The following NCOA7 variants were observed in gnomAD, a reference collection of about 807,000 sequenced individuals.
The protein encoded by NCOA7 is nuclear receptor coactivator 7.
Under a neutral mutation model 104.3 loss-of-function variants are expected in NCOA7, and 45 were observed. That is an observed-to-expected ratio of 0.43 (90% CI 0.34 to 0.55). The LOEUF (loss-of-function observed/expected upper bound fraction) is 0.55, where lower values mean the gene tolerates loss of function less well. Ranked by LOEUF, NCOA7 falls within the 20% of genes least tolerant of loss-of-function variation. NCOA7 has a pLI of 0.02. For missense variants in NCOA7, 1,041 were observed against 1,119.7 expected, an observed-to-expected ratio of 0.93 and a Z score of 1.00; for synonymous variants, 398 against 402.3, an observed-to-expected ratio of 0.99 and a Z score of 0.13.
intron 10 of NCOA7, among the ~76,000 whole-genome samples, chr6:125,911,783 A>G (rs1019165961): frequency 6.6e-6 from 1 of 152,140 alleles, no homozygotes; most frequent in Non-Finnish European, 1.5e-5. Context: ...CAAGTGGCTC[A>G]TGGCTCGTAC....
At chr6:125,901,296 T>G (rs1785477476) in intron 10 of NCOA7, among the ~76,000 whole-genome samples, 1 of 152,242 alleles carries the variant, frequency 6.6e-6, no homozygotes, top group African/African-American at 2.4e-5. Flanking sequence ...GGGATTATAT[T>G]TTGCTGTGTG....
At chr6:125,819,084 C>T (rs781420140) in intron 2 of NCOA7, among the ~76,000 whole-genome samples, 5 of 152,144 alleles carry the variant, frequency 3.3e-5, no homozygotes, top group Non-Finnish European at 5.9e-5. Flanking sequence ...AGCCTGCTTC[C>T]CCCTTCCACC....
upstream of NCOA7, among the ~76,000 whole-genome samples, chr6:125,786,632 A>T (rs1251409982): frequency 1.4e-5 from 2 of 145,480 alleles, no homozygotes; most frequent in Non-Finnish European, 3.0e-5. Context: ...GCTGGAGTGC[A>T]TAAGCGCGAT....
At position 125,889,757 on chromosome 6, in the gene NCOA7, G is replaced by T. The variant is rs1183526634; in HGVS notation, c.1703G>T (p.Gly568Val). ...CTTAGTAGTTCTCTTTCCCAGGCGG[G>T]TGATCCCATAACTGAGGGCAATAAA... ...ITLSSSLSQA[G>V]DPITEGNKEP... The change falls in exon 9 of 16, where the codon GGT becomes GTT. Residue 568 changes from glycine to valine, a missense_variant. By Grantham distance (109) the Gly-to-Val change is moderately radical. This residue lies in a region of NCOA7 where 914 missense variants were observed against 942.7 expected (regional missense o/e 0.97). Coordinates refer to ENST00000392477, the MANE Select transcript of NCOA7 (RefSeq NM_181782.5). 11 of 1,612,624 alleles carry T rather than the reference G, an allele frequency of 6.8e-6. No individual in the cohort carries two copies. The Admixed American group carries it at 1.3e-4, about 20-fold the overall frequency.
In NCOA7 at chr6:125,885,210, C is replaced by A; in HGVS notation, c.751C>A (p.Pro251Thr). 1 of 1,613,934 alleles carries A rather than the reference C, an allele frequency of 6.2e-7. No individual in the cohort carries two copies. The highest frequency in any genetic ancestry group is 8.5e-7 in the Non-Finnish European group (1 of 1,179,920). Residue 251 changes from proline (P) to threonine (T), a missense_variant, in exon 8 of 16, where the codon CCT (proline) becomes ACT (threonine). Pro to Thr is a conservative substitution (Grantham distance 38, BLOSUM62 -1). Coordinates refer to ENST00000392477, the MANE Select transcript of NCOA7 (RefSeq NM_181782.5). ...IVTPNNIMFD[P>T]HKSDPLVIEN... ...GACTCCTAACAACATCATGTTTGAC[C>A]CTCATAAATCTGATCCTCTGGTTAT... is the stretch of plus-strand genomic sequence containing the variant.
chr6:125,799,844 G>A (rs10457470), intron 1 of NCOA7, among the ~76,000 whole-genome samples: 90,606 of 152,084 alleles, frequency 0.6, 31,003 homozygotes, highest in East Asian at 0.87. Context: ...CAGGAAAATC[G>A]GATGTTGTTG....
chr6:125,830,521 T>C (rs1258269228), intron 2 of NCOA7, among the ~76,000 whole-genome samples: 1 of 152,106 alleles, frequency 6.6e-6, no homozygotes, highest in Non-Finnish European at 1.5e-5. Context: ...AGACCTTGTG[T>C]CTACAAAAAA....
chr6:125,862,200 G>A lies in NCOA7; in HGVS notation c.271+6960G>A, dbSNP rs545944355. ...GAATCAGATAAGAAGATGCTTTCAT[G>A]AGCTAAAACTCATGCCTAAGTGGAG... On this transcript the variant is annotated intron_variant, in intron 3 of 15. Coordinates refer to ENST00000392477, the MANE Select transcript of NCOA7 (RefSeq NM_181782.5). 1.3e-4 allele frequency among the ~76,000 whole-genome samples: 18 copies of A among 137,372 alleles called. 1 individual carries two copies. In the East Asian group the frequency reaches 3.6e-3, roughly 28 times the overall value. 90.1% of individuals were successfully genotyped at this position (137,372 alleles called of 152,430 possible).
At position 125,833,711 on chromosome 6, in the gene NCOA7, A is replaced by G. The variant is rs529757970; in HGVS notation, c.50+18307A>G. Among the ~76,000 whole-genome samples the G allele has an allele frequency of 1.5e-4, 23 of 152,246 alleles. No individual in the cohort carries two copies. In the South Asian group the frequency reaches 4.4e-3, roughly 29 times the overall value. On this transcript the variant is annotated intron_variant, in intron 2 of 15. Transcript: ENST00000392477. ...GCTTCTCTCTCCATTCACCTGTGCCATTGCCATCAGCACGTTCCACAGGCC... is the reference window on the plus strand; with the variant it reads ...GCTTCTCTCTCCATTCACCTGTGCCGTTGCCATCAGCACGTTCCACAGGCC...
intron 10 of NCOA7, among the ~76,000 whole-genome samples, chr6:125,896,956 A>G (rs1456415062): frequency 6.6e-6 from 1 of 152,242 alleles, no homozygotes; most frequent in Non-Finnish European, 1.5e-5. Flanking sequence ...TTGCACACGT[A>G]TTTAGGATAA....
At chr6:125,862,053 A>G (rs921643790) in intron 3 of NCOA7, among the ~76,000 whole-genome samples, 14 of 122,324 alleles carry the variant, frequency 1.1e-4, no homozygotes, top group Non-Finnish European at 1.4e-4. Flanking sequence ...AAAAAAAAAA[A>G]AAAAAAAAAA....
intron 1 of NCOA7, among the ~76,000 whole-genome samples, chr6:125,784,198 T>C (rs1208596979): frequency 6.6e-6 from 1 of 152,220 alleles, no homozygotes; most frequent in Non-Finnish European, 1.5e-5. Flanking sequence ...CAGCTGTCCT[T>C]CTTTTGTTTA....
intron 2 of NCOA7, among the ~76,000 whole-genome samples, chr6:125,815,786 G>A (rs181150405): frequency 5.9e-5 from 9 of 152,318 alleles, no homozygotes; most frequent in South Asian, 2.1e-4. Context: ...CACATTTAAA[G>A]CTTATCACCT....
At chr6:125,909,606 C>T (rs1183897380) in intron 10 of NCOA7, among the ~76,000 whole-genome samples, 2 of 152,002 alleles carry the variant, frequency 1.3e-5, no homozygotes, top group African/African-American at 4.8e-5. Context: ...GTCAGGAGAT[C>T]GAGACCATCC....
chr6:125,901,524 G>T (rs1322394217), intron 10 of NCOA7, among the ~76,000 whole-genome samples: 1 of 152,228 alleles, frequency 6.6e-6, no homozygotes, highest in African/African-American at 2.4e-5. Context: ...GAGCACGCAG[G>T]TGAGTGGGTA....
chr6:125,821,575 A>G (rs1778189206), intron 2 of NCOA7, among the ~76,000 whole-genome samples: 1 of 152,198 alleles, frequency 6.6e-6, no homozygotes, highest in African/African-American at 2.4e-5. Context: ...CATAGGTTCT[A>G]AAGGTCTAAC....
intron 2 of NCOA7, among the ~76,000 whole-genome samples, chr6:125,822,781 A>G (rs1017530028): frequency 3.9e-5 from 6 of 152,012 alleles, no homozygotes; most frequent in African/African-American, 1.2e-4. Context: ...CTAAAAATAC[A>G]AAAATTAGCT....
At chr6:125,837,503 A>C (rs866078261) in intron 2 of NCOA7, among the ~76,000 whole-genome samples, 14 of 152,164 alleles carry the variant, frequency 9.2e-5, no homozygotes, top group Non-Finnish European at 2.1e-4. Context: ...GACCTTTTAC[A>C]TGTCTCTCAG....
chr6:125,928,704 A>G lies in NCOA7; in HGVS notation c.2762A>G (p.Asn921Ser). Residue 921 changes from asparagine to serine, a missense_variant, in exon 16 of 16, where the codon AAT (asparagine) becomes AGT (serine). Physicochemically the swap from Asn to Ser is conservative, Grantham distance 46 (BLOSUM62 1). Transcript: ENST00000392477. Reference sequence around the variant, plus strand: ...CGAAGCAACTCTTGCAGCACTTTCAATAATGATATTCTTTCCAAAAAGGAA... The same window carrying G: ...CGAAGCAACTCTTGCAGCACTTTCAGTAATGATATTCTTTCCAAAAAGGAA... ...HGRSNSCSTF[N>S]NDILSKKEDF... The G allele has an allele frequency of 1.2e-6, 2 of 1,613,922 alleles. No homozygotes were observed. The highest frequency in any genetic ancestry group is 1.7e-6 in the Non-Finnish European group (2 of 1,179,972).
Sources: allele counts gnomAD v4.1 joint callset (sites outside exome capture counted in the v4.1 genomes callset), GRCh38; gene constraint gnomAD v4.1.1; regional missense constraint gnomAD v4.1.1; transcripts MANE v1.5; gene names NCBI Gene and HGNC (gene_info 2026-07-23, HGNC 2026-07-21).